The following POM121C variants were observed in gnomAD, a reference collection of about 807,000 sequenced individuals.
The protein encoded by POM121C is nuclear envelope pore membrane protein POM 121C.
POM121C carries 20 observed loss-of-function variants against 66.4 expected under a neutral mutation model. The ratio of observed to expected loss-of-function variants is 0.30; its 90% CI spans 0.21 to 0.44. POM121C has a LOEUF of 0.44. Among genes scored for constraint, POM121C ranks in the 20% least tolerant of loss-of-function variants. The probability of loss-of-function intolerance (pLI) is 1.00; values close to 1 mark genes in which losing one functional copy is unlikely to be tolerated. For synonymous variants in POM121C, 286 were observed against 528.0 expected, an observed-to-expected ratio of 0.54 and a Z score of 6.28; for missense variants, 580 against 1,225.7, an observed-to-expected ratio of 0.47 and a Z score of 7.87.
intron 1 of POM121C, among the ~76,000 whole-genome samples, chr7:75,481,522 T>C (rs1158692888): frequency 6.6e-6 from 1 of 152,094 alleles, no homozygotes; most frequent in African/African-American, 2.4e-5. Flanking sequence ...AAATAGAGAA[T>C]AGAAATTTAT....
intron 1 of POM121C, among the ~76,000 whole-genome samples, chr7:75,483,385 T>C (rs1792385358): frequency 6.6e-6 from 1 of 152,138 alleles, no homozygotes; most frequent in South Asian, 2.1e-4. Context: ...ATGGTTTCGG[T>C]GTGTGTCGCC....
At chr7:75,480,482 A>C (rs1397862263) in intron 1 of POM121C, among the ~76,000 whole-genome samples, 3 of 152,016 alleles carry the variant, frequency 2.0e-5, no homozygotes, top group African/African-American at 7.3e-5. Flanking sequence ...CAACCAACCA[A>C]CTTGATCTCA....
chr7:75,461,746 C>A (rs1247731719), intron 3 of POM121C, among the ~76,000 whole-genome samples: 1 of 151,974 alleles, frequency 6.6e-6, no homozygotes, highest in Non-Finnish European at 1.5e-5. Context: ...TAACTGAAAT[C>A]ATACAAAATA....
chr7:75,481,031 A>ATATATC (rs1491589496), intron 1 of POM121C, among the ~76,000 whole-genome samples: 2 of 91,406 alleles, frequency 2.2e-5, no homozygotes, highest in Non-Finnish European at 4.5e-5. Context: ...AGTTCAAAAA[A>ATATATC]TATATATATA....
chr7:75,473,568 C>G, intron 3 of POM121C, among the ~76,000 whole-genome samples: 1 of 152,178 alleles, frequency 6.6e-6, no homozygotes, highest in East Asian at 1.9e-4. Flanking sequence ...ACACCACAAG[C>G]TGTGACTCAA....
intron 7 of POM121C, among the ~76,000 whole-genome samples, chr7:75,428,320 A>C (rs587773943): frequency 6.6e-6 from 1 of 152,222 alleles, no homozygotes; most frequent in African/African-American, 2.4e-5. Flanking sequence ...TTGTATCTTT[A>C]GTAGAGATGG....
intron 7 of POM121C, among the ~76,000 whole-genome samples, chr7:75,433,921 T>C (rs1790290779): frequency 6.6e-6 from 1 of 152,240 alleles, no homozygotes; most frequent in East Asian, 1.9e-4. Flanking sequence ...CCAGTATGTG[T>C]GTAGGATAAC....
intron 5 of POM121C, 138 bp downstream of exon 5, chr7:75,440,816 T>G: frequency 1.4e-6 from 2 of 1,422,534 alleles, no homozygotes; most frequent in South Asian, 1.3e-5. Flanking sequence ...TATTAGGTTC[T>G]CTCATGAAAG....
intron 3 of POM121C, among the ~76,000 whole-genome samples, chr7:75,463,555 A>G (rs1791521534): frequency 6.6e-6 from 1 of 151,170 alleles, no homozygotes; most frequent in Non-Finnish European, 1.5e-5. Flanking sequence ...CAGAGACCGC[A>G]CATGTAAAAG....
intron 1 of POM121C, among the ~76,000 whole-genome samples, chr7:75,481,644 T>A (rs1478305281): frequency 5.9e-5 from 9 of 152,032 alleles, no homozygotes; most frequent in Admixed American, 3.9e-4. Context: ...CTGGGCAACA[T>A]AGAGAAACCT....
In POM121C at chr7:75,470,853, C is replaced by T. The variant is rs138243328; in HGVS notation, c.-152+3851G>A. 4.3e-3 allele frequency among the ~76,000 whole-genome samples: 648 copies of T among 152,148 alleles called. 5 individuals carry two copies. The highest frequency in any genetic ancestry group is 0.015 in the African/African-American group (610 of 41,490). On this transcript the variant is annotated intron_variant, in intron 3 of 14. Coordinates refer to ENST00000615331, the MANE Select transcript of POM121C (RefSeq NM_001099415.3). ...CTCCCTATGTTGCCCAGGCTGACCT[C>T]GAACCCCTGGGCTCAAGTGATCTGC...
At chr7:75,448,290 A>G (rs1554475125) in intron 3 of POM121C, among the ~76,000 whole-genome samples, 1 of 152,126 alleles carries the variant, frequency 6.6e-6, no homozygotes, top group Non-Finnish European at 1.5e-5. Flanking sequence ...ACAGTAAGAA[A>G]TGTTAACGGA....
chr7:75,467,473 A>G (rs1210566622), intron 3 of POM121C, among the ~76,000 whole-genome samples: 4 of 138,290 alleles, frequency 2.9e-5, no homozygotes, highest in Non-Finnish European at 3.0e-5. Flanking sequence ...CGGAGCTTGC[A>G]GTGAGCCGAG....
Position 75,474,887 on chromosome 7 carries a change from A to G in POM121C, c.-330-5T>C, listed in dbSNP as rs1792016779. 4 of 1,098,364 alleles carry G rather than the reference A, an allele frequency of 3.6e-6. No individual in the cohort carries two copies. The highest frequency in any genetic ancestry group is 4.8e-5 in the East Asian group (2 of 42,070). The allele number at this position is 1,098,364 out of a possible 1,614,324, so 68.0% of individuals were successfully genotyped here. ...AAGATGTTGCCACCTCATAAGCTGCATAACAGAAATGCTCCATTTTTTACC... is the reference window on the plus strand; with the variant it reads ...AAGATGTTGCCACCTCATAAGCTGCGTAACAGAAATGCTCCATTTTTTACC... On this transcript the variant is annotated splice_region_variant and splice_polypyrimidine_tract_variant and intron_variant, in intron 2 of 14. Transcript: ENST00000615331.
chr7:75,418,969 A>G, intron 14 of POM121C, 76 bp from the exon 15 acceptor site: 1 of 1,499,586 alleles, frequency 6.7e-7, no homozygotes, highest in Non-Finnish European at 8.9e-7. Flanking sequence ...AATCTCTGGA[A>G]GGCCAGGCCA....
intron 1 of POM121C, among the ~76,000 whole-genome samples, chr7:75,483,365 G>C (rs1255213301): frequency 6.6e-6 from 1 of 152,130 alleles, no homozygotes; most frequent in South Asian, 2.1e-4. Flanking sequence ...ACGATGTCAT[G>C]GATGGTGATA....
chr7:75,434,975 T>C (rs1178675191), intron 7 of POM121C, among the ~76,000 whole-genome samples: 1 of 152,122 alleles, frequency 6.6e-6, no homozygotes, highest in Non-Finnish European at 1.5e-5. Context: ...CATTCAATAC[T>C]GAGGGGAATG....
chr7:75,484,847 T>G (rs1792457323), intron 1 of POM121C, among the ~76,000 whole-genome samples: 1 of 151,770 alleles, frequency 6.6e-6, no homozygotes, highest in Non-Finnish European at 1.5e-5. Flanking sequence ...CGGCTCATGT[T>G]TTTTGTGGTT....
chr7:75,440,618 A>C (rs1409557299), intron 5 of POM121C: 2 of 360,684 alleles, frequency 5.5e-6, no homozygotes, highest in South Asian at 3.1e-5. Context: ...AAATAACTGA[A>C]CACCACAAAA....
Sources: gnomAD v4.1 joint callset for allele counts (sites outside exome capture counted in the v4.1 genomes callset) on GRCh38, gnomAD v4.1.1 for gene constraint, MANE v1.5 for transcripts, NCBI Gene and HGNC (gene_info 2026-07-23, HGNC 2026-07-21) for gene names.